The following GALNTL5 variants were observed in gnomAD, a reference collection of about 807,000 sequenced individuals.
GALNTL5 encodes the protein inactive polypeptide N-acetylgalactosaminyltransferase-like protein 5.
In GALNTL5, 44 loss-of-function variants were observed where a neutral mutation model predicts 51.0. The observed-to-expected ratio is 0.86, with a 90% CI of 0.68 to 1.11. The LOEUF (loss-of-function observed/expected upper bound fraction) is 1.11, where lower values mean the gene tolerates loss of function less well. GALNTL5 is among the 50% of genes least tolerant of loss of function. The pLI, the probability that GALNTL5 is intolerant of heterozygous loss-of-function variation, is 0.00. For missense variants in GALNTL5, 528 were observed against 531.8 expected (o/e 0.99, Z 0.07); for synonymous variants, 192 against 182.8 (o/e 1.05, Z -0.41).
intron 5 of GALNTL5, among the ~76,000 whole-genome samples, chr7:152,000,412 A>G (rs2081558020): frequency 6.6e-6 from 1 of 152,198 alleles, no homozygotes; most frequent in Admixed American, 6.5e-5. Context: ...ATGAGAAGGG[A>G]GGTCCTCAAA....
At chr7:151,957,141 A>G (rs1379252534) in intron 1 of GALNTL5, among the ~76,000 whole-genome samples, 1 of 116,958 alleles carries the variant, frequency 8.6e-6, no homozygotes, top group Admixed American at 9.4e-5. Context: ...CTCTGTCTCG[A>G]GAAAAAAAAA....
intron 3 of GALNTL5, among the ~76,000 whole-genome samples, chr7:151,979,700 G>A (rs10952339): frequency 0.22 from 32,811 of 151,916 alleles, 3,614 homozygotes; most frequent in South Asian, 0.28. Context: ...CTGGTGATCC[G>A]CCCACCTTGG....
At chr7:151,994,504 C>T (rs1025394679) in intron 5 of GALNTL5, among the ~76,000 whole-genome samples, 1 of 151,938 alleles carries the variant, frequency 6.6e-6, no homozygotes, top group Non-Finnish European at 1.5e-5. Flanking sequence ...TGACCTTTCC[C>T]TTCCTTCCTC....
chr7:152,010,783 T>G (rs112346163), intron 7 of GALNTL5, among the ~76,000 whole-genome samples: 1 of 75,434 alleles, frequency 1.3e-5, no homozygotes, highest in Admixed American at 1.1e-4. Flanking sequence ...AAAAAAAAAA[T>G]TATTTTTGAT....
chr7:151,958,280 A>G (rs897558975), intron 1 of GALNTL5, among the ~76,000 whole-genome samples: 1 of 152,160 alleles, frequency 6.6e-6, no homozygotes, highest in Non-Finnish European at 1.5e-5. Flanking sequence ...CTGCACACAC[A>G]CACCACTCTG....
chr7:151,970,867 G>C, intron 2 of GALNTL5, 78 bp from the exon 3 acceptor site: 2 of 1,199,346 alleles, frequency 1.7e-6, no homozygotes, highest in Non-Finnish European at 2.3e-6. Flanking sequence ...AATTGTTTTG[G>C]TTATTCTAGA....
At chr7:152,004,926 A>G (rs1012573240) in intron 6 of GALNTL5, among the ~76,000 whole-genome samples, 2 of 152,192 alleles carry the variant, frequency 1.3e-5, no homozygotes, top group African/African-American at 2.4e-5. Context: ...AATGGCAGGT[A>G]TCTTTTTGAC....
intron 1 of GALNTL5, among the ~76,000 whole-genome samples, chr7:151,962,492 A>G (rs2081005008): frequency 7.9e-6 from 1 of 127,196 alleles, no homozygotes. Flanking sequence ...ATCACTCTGT[A>G]AATACTGTTC....
At chr7:151,968,375 T>C (rs181366340) in intron 2 of GALNTL5, among the ~76,000 whole-genome samples, 1 of 151,822 alleles carries the variant, frequency 6.6e-6, no homozygotes, top group African/African-American at 2.4e-5. Context: ...ATGAAGAAAA[T>C]AAGAGTAGAA....
intron 2 of GALNTL5, among the ~76,000 whole-genome samples, chr7:151,968,820 A>G (rs778218330): frequency 2.4e-4 from 36 of 152,186 alleles, no homozygotes; most frequent in South Asian, 4.1e-4. Context: ...TAGTTATTCT[A>G]ATGGGTGAGT....
chr7:151,997,064 A>G (rs1586839528), intron 5 of GALNTL5, among the ~76,000 whole-genome samples: 1 of 152,348 alleles, frequency 6.6e-6, no homozygotes, highest in East Asian at 1.9e-4. Context: ...GTGCAAATAG[A>G]CTACGACAGG....
intron 3 of GALNTL5, among the ~76,000 whole-genome samples, chr7:151,973,724 G>C (rs963516698): frequency 6.6e-6 from 1 of 152,148 alleles, no homozygotes; most frequent in Admixed American, 6.5e-5. Context: ...TTAATACTTC[G>C]GGTGACTGTT....
chr7:152,014,469 C>A (rs113054109), intron 7 of GALNTL5, among the ~76,000 whole-genome samples, 175 bp from the exon 8 acceptor site: 4 of 152,162 alleles, frequency 2.6e-5, no homozygotes, highest in South Asian at 2.1e-4. Context: ...GGTTTCACCA[C>A]GTTGGCCAGG....
intron 5 of GALNTL5, among the ~76,000 whole-genome samples, chr7:151,998,992 C>G (rs1232782277): frequency 6.6e-6 from 1 of 152,180 alleles, no homozygotes; most frequent in African/African-American, 2.4e-5. Flanking sequence ...GCCATGACCT[C>G]TAACTCCAAA....
At chr7:152,007,585 A>G (rs1563023976) in intron 6 of GALNTL5, among the ~76,000 whole-genome samples, 1 of 151,342 alleles carries the variant, frequency 6.6e-6, no homozygotes, top group African/African-American at 2.4e-5. Context: ...TGCCTGGCTA[A>G]TTTTTTGTAT....
chr7:151,981,034 C>T (rs973652096), intron 3 of GALNTL5, among the ~76,000 whole-genome samples: 13 of 152,062 alleles, frequency 8.5e-5, no homozygotes, highest in South Asian at 2.1e-4. Flanking sequence ...CTTGAGCCAC[C>T]GCGCCCGGCC....
intron 7 of GALNTL5, among the ~76,000 whole-genome samples, chr7:152,009,961 G>A (rs1169206134): frequency 1.3e-5 from 2 of 152,184 alleles, no homozygotes; most frequent in Non-Finnish European, 1.5e-5. Flanking sequence ...CATTTAAGGA[G>A]CACTTCCTTT....
intron 5 of GALNTL5, chr7:151,995,388 TTTGC>T (rs1245681201): frequency 1.2e-5 from 1 of 84,642 alleles, no homozygotes; most frequent in African/African-American, 4.5e-5. Context: ...TTTTTTTTTT[TTTGC>T]ATGGGAGCGG....
chr7:152,009,345 A>G (rs2081698380), intron 7 of GALNTL5, among the ~76,000 whole-genome samples: 1 of 152,218 alleles, frequency 6.6e-6, no homozygotes, highest in South Asian at 2.1e-4. Flanking sequence ...GATGTCCTTA[A>G]TGGATGGCTT....
Sources: allele counts gnomAD v4.1 joint callset (sites outside exome capture counted in the v4.1 genomes callset), GRCh38; gene constraint gnomAD v4.1.1; transcripts MANE v1.5; gene names NCBI Gene and HGNC (gene_info 2026-07-23, HGNC 2026-07-21).